Variants in COLGALT2 observed in about 807,000 individuals in gnomAD.
COLGALT2 encodes collagen beta(1-O)galactosyltransferase 2, also known as procollagen galactosyltransferase 2.
Under a neutral mutation model 73.4 loss-of-function variants are expected in COLGALT2, and 49 were observed. That is an observed-to-expected ratio of 0.67 (90% CI 0.53 to 0.85). The LOEUF (loss-of-function observed/expected upper bound fraction) is 0.85, where lower values mean the gene tolerates loss of function less well. Among genes scored for constraint, COLGALT2 ranks in the 40% least tolerant of loss-of-function variants. The pLI is 0.00. For missense variants in COLGALT2, 722 were observed against 790.2 expected, an observed-to-expected ratio of 0.91 and a Z score of 1.03; for synonymous variants, 295 against 307.6, an observed-to-expected ratio of 0.96 and a Z score of 0.43.
At position 183,969,381 on chromosome 1, in the gene COLGALT2, T is replaced by A. The variant is rs750325327; in HGVS notation, c.720A>T (p.Leu240=). The change falls in exon 5 of 12, where the codon CTA becomes CTT. Residue 240 remains leucine (L), a synonymous_variant. Coordinates refer to ENST00000361927, the MANE Select transcript of COLGALT2 (RefSeq NM_015101.4). The part of the protein sequence containing the change: ...FPVPMVHSTF[L]IDLRKEASDK... ...CCGAGGCCTCCTTCCTGAGGTCAAT[T>A]AGGAAGGTGGAGTGGACCATGGGGA... 9 of 1,613,680 alleles carry A rather than the reference T, an allele frequency of 5.6e-6. No homozygotes were observed. The highest frequency in any genetic ancestry group is 7.6e-6 in the Non-Finnish European group (9 of 1,179,838).
Position 183,973,711 on chromosome 1 carries a change from G to A in COLGALT2, c.532C>T (p.Leu178Phe), listed in dbSNP as rs1307243534. 26 of 1,613,748 alleles carry A rather than the reference G, an allele frequency of 1.6e-5. No homozygotes were observed. The highest frequency in any genetic ancestry group is 2.2e-5 in the Non-Finnish European group (26 of 1,179,850). Residue 178 changes from leucine (L) to phenylalanine (F), a missense_variant, in exon 4 of 12, where the codon CTC becomes TTC. Physicochemically the swap from Leu to Phe is conservative, Grantham distance 22 (BLOSUM62 0). Coordinates refer to ENST00000361927, the MANE Select transcript of COLGALT2 (RefSeq NM_015101.4). ...TTGTTTTCTGCAATCAGTAGATTGA[G>A]GGTCTGTGGATTAGTCAGGAAATTG... ...VDNFLTNPQT[L>F]NLLIAENKTI...
intron 11 of COLGALT2, 115 bp downstream of exon 11, chr1:183,940,466 G>T (rs542850872): frequency 3.2e-6 from 3 of 941,342 alleles, no homozygotes; most frequent in African/African-American, 3.2e-5. Flanking sequence ...ATTATGAGAA[G>T]ATCATTTAGG....
intron 1 of COLGALT2, among the ~76,000 whole-genome samples, chr1:184,003,410 A>C (rs1274382632): frequency 6.6e-6 from 1 of 152,184 alleles, no homozygotes; most frequent in Non-Finnish European, 1.5e-5. Context: ...TCTACTACCG[A>C]GTAGATGATC....
chr1:183,938,653 T>C lies in COLGALT2; in HGVS notation c.*108A>G, dbSNP rs1318141813. 6.7e-7 allele frequency: 1 copy of C among 1,490,422 alleles called. No homozygotes were observed. The highest frequency in any genetic ancestry group is 8.9e-7 in the Non-Finnish European group (1 of 1,119,496). 92.3% of individuals were successfully genotyped at this position (1,490,422 alleles called of 1,614,324 possible). On this transcript the variant is annotated 3_prime_UTR_variant, in exon 12 of 12. Coordinates refer to ENST00000361927, the MANE Select transcript of COLGALT2 (RefSeq NM_015101.4). ...CTAGATCACTTTGGTTAGATGACTGTGACCACTAAGAACAAAACAAAACAG... is the reference window on the plus strand; with the variant it reads ...CTAGATCACTTTGGTTAGATGACTGCGACCACTAAGAACAAAACAAAACAG...
At chr1:183,995,000 G>T (rs1671733286) in intron 1 of COLGALT2, among the ~76,000 whole-genome samples, 2 of 152,006 alleles carry the variant, frequency 1.3e-5, no homozygotes, top group African/African-American at 4.8e-5. Flanking sequence ...ATTTAATCCT[G>T]GCTAAATTAC....
intron 11 of COLGALT2, 53 bp downstream of exon 11, chr1:183,940,528 A>C (rs1670077706): frequency 6.8e-7 from 1 of 1,476,052 alleles, no homozygotes; most frequent in Non-Finnish European, 9.5e-7. Context: ...TGGAGAGCAT[A>C]ATTCATGAAG....
intron 6 of COLGALT2, among the ~76,000 whole-genome samples, chr1:183,959,449 A>G (rs965069634): frequency 6.6e-6 from 1 of 152,146 alleles, no homozygotes; most frequent in Non-Finnish European, 1.5e-5. Flanking sequence ...TTCCCATCTC[A>G]GTAAATGGCA....
intron 1 of COLGALT2, among the ~76,000 whole-genome samples, chr1:184,001,850 A>T (rs527590290): frequency 2.6e-5 from 4 of 152,342 alleles, no homozygotes; most frequent in African/African-American, 9.6e-5. Flanking sequence ...CATAGTCATT[A>T]TAATCTGCAG....
intron 1 of COLGALT2, among the ~76,000 whole-genome samples, chr1:183,997,692 T>G (rs1473307099): frequency 6.6e-6 from 1 of 152,240 alleles, no homozygotes; most frequent in Non-Finnish European, 1.5e-5. Context: ...ACAAGCTTGC[T>G]TTATAGTTTC....
chr1:183,968,408 C>T (rs1242394486), intron 5 of COLGALT2, among the ~76,000 whole-genome samples: 1 of 152,188 alleles, frequency 6.6e-6, no homozygotes, highest in Non-Finnish European at 1.5e-5. Context: ...TCTCAAAAAT[C>T]TCCAGGCCCC....
At chr1:183,969,202 C>A (rs1436821964) in intron 5 of COLGALT2, 67 bp downstream of exon 5, 21 of 1,332,294 alleles carry the variant, frequency 1.6e-5, no homozygotes, top group Admixed American at 1.4e-4. Context: ...ATAAAATGCA[C>A]AAAACAAAGG....
chr1:184,022,239 G>A (rs74133803), intron 1 of COLGALT2, among the ~76,000 whole-genome samples: 5,045 of 152,174 alleles, frequency 0.033, 269 homozygotes, highest in African/African-American at 0.11. Flanking sequence ...AACTAATTAC[G>A]TGAATAAATA....
At chr1:183,992,438 C>T (rs528157744) in intron 1 of COLGALT2, among the ~76,000 whole-genome samples, 40 of 152,296 alleles carry the variant, frequency 2.6e-4, no homozygotes, top group African/African-American at 7.5e-4. Flanking sequence ...AAAACTGCTG[C>T]GACCACAGAT....
intron 1 of COLGALT2, among the ~76,000 whole-genome samples, chr1:183,991,981 T>C (rs1244173355): frequency 6.6e-6 from 1 of 152,146 alleles, no homozygotes; most frequent in Admixed American, 6.5e-5. Context: ...GGAGCATGCA[T>C]AAATACACAG....
chr1:183,959,930 C>T (rs778425828), intron 6 of COLGALT2, among the ~76,000 whole-genome samples: 38 of 152,250 alleles, frequency 2.5e-4, no homozygotes, highest in Admixed American at 6.5e-4. Context: ...TTTACATGTG[C>T]TGTTCTTTCC....
intron 5 of COLGALT2, among the ~76,000 whole-genome samples, chr1:183,968,906 G>C (rs1670954250): frequency 6.6e-6 from 1 of 152,120 alleles, no homozygotes; most frequent in Admixed American, 6.5e-5. Flanking sequence ...TGGGGTCTTT[G>C]CCAGTGTTGT....
rs139599202 is a variant in COLGALT2, at chr1:183,951,627, A to C, written c.1030-514T>G. Among the ~76,000 whole-genome samples the C allele has an allele frequency of 6.7e-3, 1,015 of 152,302 alleles. 14 individuals carry two copies. The highest frequency in any genetic ancestry group is 0.023 in the African/African-American group (960 of 41,574). On this transcript the variant is annotated intron_variant, in intron 7 of 11. Transcript: ENST00000361927. ...ACAAAAAAATTTAATAATACTCAGG[A>C]ATAAATTTAACCAAAGAAGGTAAAG...
intron 1 of COLGALT2, among the ~76,000 whole-genome samples, chr1:183,985,645 C>T (rs140070157): frequency 6.2e-4 from 95 of 152,274 alleles, no homozygotes; most frequent in African/African-American, 2.1e-3. Flanking sequence ...CTGCCACACC[C>T]GAGAAAGTCT....
In COLGALT2 at chr1:183,936,736, G is replaced by A; in HGVS notation, c.*2025C>T. ...CACTCGCTCCCCAGATGCTCTTTCT[G>A]TTTTTCTGGGGGTGGGTGGGAAAGG... On this transcript the variant is annotated 3_prime_UTR_variant, in exon 12 of 12. Transcript: ENST00000361927. The A allele has an allele frequency of 2.4e-6, 3 of 1,230,696 alleles. No individual in the cohort carries two copies. The highest frequency in any genetic ancestry group is 1.5e-5 in the African/African-American group (1 of 64,520). 76.2% of individuals were successfully genotyped at this position (1,230,696 alleles called of 1,614,324 possible).
Sources: allele counts gnomAD v4.1 joint callset (sites outside exome capture counted in the v4.1 genomes callset), GRCh38; gene constraint gnomAD v4.1.1; transcripts MANE v1.5; gene names NCBI Gene and HGNC (gene_info 2026-07-23, HGNC 2026-07-21).